Variants in RHOJ observed in about 807,000 individuals in gnomAD.
RHOJ encodes the protein rho-related GTP-binding protein RhoJ.
In RHOJ, 11 loss-of-function variants were observed where a neutral mutation model predicts 23.4. The observed-to-expected ratio is 0.47, with a 90% CI of 0.30 to 0.78. The LOEUF (loss-of-function observed/expected upper bound fraction) is 0.78. RHOJ is among the 30% of genes least tolerant of loss of function. RHOJ has a pLI of 0.08. For synonymous variants in RHOJ, 102 were observed against 102.7 expected, an observed-to-expected ratio of 0.99 and a Z score of 0.04; for missense variants, 254 against 273.4, an observed-to-expected ratio of 0.93 and a Z score of 0.50.
chr14:63,262,524 AGGTCATTTGACCT>A (rs2139649949), intron 1 of RHOJ, among the ~76,000 whole-genome samples: 1 of 152,364 alleles, frequency 6.6e-6, no homozygotes, highest in East Asian at 1.9e-4. Context: ...AGCCATTAGC[AGGTCATTTGACCT>A]ACTCTCTTTA....
At chr14:63,269,864 G>A (rs899446319) in intron 2 of RHOJ, among the ~76,000 whole-genome samples, 2 of 152,174 alleles carry the variant, frequency 1.3e-5, no homozygotes, top group Non-Finnish European at 2.9e-5. Context: ...GGTGAAAATG[G>A]CACTTAATCT....
chr14:63,289,619 C>A (rs997452650), intron 4 of RHOJ, among the ~76,000 whole-genome samples: 9 of 152,132 alleles, frequency 5.9e-5, no homozygotes, highest in Admixed American at 6.6e-5. Flanking sequence ...CAAATAAAAC[C>A]GCAGGTCTCC....
At chr14:63,214,600 G>C (rs986949150) in intron 1 of RHOJ, among the ~76,000 whole-genome samples, 2 of 152,198 alleles carry the variant, frequency 1.3e-5, no homozygotes, top group African/African-American at 4.8e-5. Context: ...AAAAAGATCT[G>C]TACCTGCGGT....
chr14:63,261,322 T>G (rs1039014501), intron 1 of RHOJ, among the ~76,000 whole-genome samples: 2 of 152,234 alleles, frequency 1.3e-5, no homozygotes, highest in African/African-American at 2.4e-5. Flanking sequence ...CCATTTTTCC[T>G]GGTGTATTTA....
intron 1 of RHOJ, among the ~76,000 whole-genome samples, chr14:63,217,028 T>G (rs1316107170): frequency 6.6e-6 from 1 of 152,188 alleles, no homozygotes; most frequent in Non-Finnish European, 1.5e-5. Context: ...ACCCAGATCC[T>G]TCTCACTCCC....
chr14:63,223,795 C>T (rs770578367), intron 1 of RHOJ, among the ~76,000 whole-genome samples: 20 of 152,032 alleles, frequency 1.3e-4, no homozygotes, highest in Non-Finnish European at 2.1e-4. Flanking sequence ...TCAACCTCAT[C>T]GTTAAAAGAT....
At chr14:63,229,981 C>T (rs1036641994) in intron 1 of RHOJ, among the ~76,000 whole-genome samples, 1 of 152,164 alleles carries the variant, frequency 6.6e-6, no homozygotes, top group Non-Finnish European at 1.5e-5. Flanking sequence ...AATTTTCTCC[C>T]TTCTCCACAT....
chr14:63,276,218 G>C (rs992762556), intron 2 of RHOJ, among the ~76,000 whole-genome samples: 2 of 152,234 alleles, frequency 1.3e-5, no homozygotes, highest in African/African-American at 2.4e-5. Context: ...GGTGGGGGGG[G>C]GCGGGGGCTG....
At chr14:63,210,716 C>T (rs1475922397) in intron 1 of RHOJ, among the ~76,000 whole-genome samples, 3 of 152,190 alleles carry the variant, frequency 2.0e-5, no homozygotes, top group Non-Finnish European at 4.4e-5. Flanking sequence ...TTTCACTTGA[C>T]ATATAGCATA....
At chr14:63,279,184 AGAG>A (rs1345379844) in intron 2 of RHOJ, among the ~76,000 whole-genome samples, 1 of 152,222 alleles carries the variant, frequency 6.6e-6, no homozygotes, top group African/African-American at 2.4e-5. Flanking sequence ...TGTTTCATGA[AGAG>A]TAGTCATGCC....
intron 1 of RHOJ, among the ~76,000 whole-genome samples, chr14:63,240,976 G>A (rs1036716800): frequency 6.6e-6 from 1 of 152,172 alleles, no homozygotes; most frequent in African/African-American, 2.4e-5. Context: ...TCAACCCATG[G>A]CAAGTCCTCT....
In RHOJ at chr14:63,291,568, C is replaced by T. The variant is rs187879866; in HGVS notation, c.*544C>T. 1.2e-5 allele frequency: 2 copies of T among 160,390 alleles called. No homozygotes were observed. Among genetic ancestry groups the T allele is most frequent in the Admixed American group, 5.7e-5 (1 of 17,578 alleles). The allele number at this position is 160,390 out of a possible 1,614,324, so 9.9% of individuals were successfully genotyped here. ...AATCCATACCAAATTAGCCTAAAGA[C>T]AAGGCATTTTATATTCATTTCTATT... On this transcript the variant is annotated 3_prime_UTR_variant, in exon 5 of 5. Coordinates refer to ENST00000316754, the MANE Select transcript of RHOJ (RefSeq NM_020663.5).
At chr14:63,227,655 C>A (rs1420934633) in intron 1 of RHOJ, among the ~76,000 whole-genome samples, 1 of 152,094 alleles carries the variant, frequency 6.6e-6, no homozygotes, top group Non-Finnish European at 1.5e-5. Flanking sequence ...ACCGACCATC[C>A]AAAACAGTAC....
At chr14:63,224,063 A>C (rs1566608516) in intron 1 of RHOJ, among the ~76,000 whole-genome samples, 1 of 152,198 alleles carries the variant, frequency 6.6e-6, no homozygotes, top group Non-Finnish European at 1.5e-5. Flanking sequence ...AAACACTCCC[A>C]AGAAATCACA....
chr14:63,221,730 GAGA>G (rs749510729), intron 1 of RHOJ, among the ~76,000 whole-genome samples: 8 of 152,236 alleles, frequency 5.3e-5, no homozygotes, highest in Non-Finnish European at 1.0e-4. Flanking sequence ...CAGAGGCTCT[GAGA>G]AGATTTCGGT....
chr14:63,238,294 A>G (rs1424983079), intron 1 of RHOJ, among the ~76,000 whole-genome samples: 1 of 152,224 alleles, frequency 6.6e-6, no homozygotes, highest in African/African-American at 2.4e-5. Context: ...AATGTAGTTC[A>G]GACCAGACCA....
chr14:63,220,558 G>A (rs1265311483), intron 1 of RHOJ, among the ~76,000 whole-genome samples: 1 of 152,042 alleles, frequency 6.6e-6, no homozygotes, highest in Non-Finnish European at 1.5e-5. Context: ...GTAATCTAGG[G>A]AGGAAGACAA....
intron 4 of RHOJ, among the ~76,000 whole-genome samples, chr14:63,290,677 C>G (rs370356751): frequency 6.8e-5 from 1 of 14,642 alleles, no homozygotes. Flanking sequence ...GTAAAAAATA[C>G]AAAAATACAA....
At chr14:63,218,951 T>C (rs4902215) in intron 1 of RHOJ, among the ~76,000 whole-genome samples, 105,058 of 152,108 alleles carry the variant, frequency 0.69, 38,212 homozygotes, top group Middle Eastern at 0.85. Context: ...GCTGCACTTA[T>C]GGTAGGAGAG....
Sources: allele counts gnomAD v4.1 joint callset (sites outside exome capture counted in the v4.1 genomes callset), GRCh38; gene constraint gnomAD v4.1.1; transcripts MANE v1.5; gene names NCBI Gene and HGNC (gene_info 2026-07-23, HGNC 2026-07-21).